The following DDAH1 variants were observed in gnomAD, a reference collection of about 807,000 sequenced individuals.
DDAH1 encodes N(G),N(G)-dimethylarginine dimethylaminohydrolase 1.
Under a neutral mutation model 28.8 loss-of-function variants are expected in DDAH1, and 19 were observed. The observed-to-expected ratio is 0.66, with a 90% confidence interval of 0.46 to 0.97. The LOEUF is 0.97. Among genes scored for constraint, DDAH1 ranks in the 50% least tolerant of loss-of-function variants. DDAH1 has a pLI of 0.00. For synonymous variants in DDAH1, 153 were observed against 154.4 expected (o/e 0.99, Z 0.07); for missense variants, 326 against 375.9 (o/e 0.87, Z 1.10).
intron 1 of DDAH1, among the ~76,000 whole-genome samples, chr1:85,550,172 C>A (rs1284930653): frequency 6.6e-6 from 1 of 152,156 alleles, no homozygotes; most frequent in Non-Finnish European, 1.5e-5. Flanking sequence ...TTTCCTAACT[C>A]TTTAGTTTAA....
At chr1:85,513,585 A>G (rs1557710436) in intron 1 of DDAH1, among the ~76,000 whole-genome samples, 1 of 151,896 alleles carries the variant, frequency 6.6e-6, no homozygotes, top group African/African-American at 2.4e-5. Context: ...TGGGAGAAAA[A>G]GTTTGCAATC....
chr1:85,492,295 TA>T (rs1276521744), intron 2 of DDAH1, among the ~76,000 whole-genome samples: 5 of 152,040 alleles, frequency 3.3e-5, no homozygotes, highest in African/African-American at 9.6e-5. Context: ...TAATTAACAA[TA>T]AAAAAATGCA....
At chr1:85,326,904 T>C (rs1238759675) in intron 4 of DDAH1, among the ~76,000 whole-genome samples, 3 of 152,226 alleles carry the variant, frequency 2.0e-5, no homozygotes, top group Non-Finnish European at 4.4e-5. Flanking sequence ...TTAACTTTTC[T>C]AAGAAAATTA....
upstream of DDAH1, chr1:85,467,533 T>G (rs978639397): frequency 1.3e-5 from 2 of 152,268 alleles, no homozygotes; most frequent in Non-Finnish European, 2.9e-5. Context: ...ATCTCGTGCA[T>G]TACTTATTAC....
chr1:85,393,717 G>C (rs1241024082), intron 1 of DDAH1, among the ~76,000 whole-genome samples: 2 of 152,112 alleles, frequency 1.3e-5, no homozygotes, highest in Non-Finnish European at 2.9e-5. Context: ...CTTAATCTTT[G>C]CCCTTGTCTC....
chr1:85,506,672 A>T (rs1409462683), intron 1 of DDAH1, among the ~76,000 whole-genome samples: 1 of 152,226 alleles, frequency 6.6e-6, no homozygotes, highest in Non-Finnish European at 1.5e-5. Flanking sequence ...TTGAACAAGG[A>T]TGTGATGTCA....
intron 1 of DDAH1, among the ~76,000 whole-genome samples, chr1:85,563,189 G>A (rs1659188241): frequency 6.6e-6 from 1 of 152,148 alleles, no homozygotes; most frequent in Admixed American, 6.5e-5. Context: ...TAGAGATAAT[G>A]GGCAGAGTGC....
At chr1:85,523,627 A>G (rs2100765298) in intron 1 of DDAH1, among the ~76,000 whole-genome samples, 1 of 152,198 alleles carries the variant, frequency 6.6e-6, no homozygotes, top group South Asian at 2.1e-4. Context: ...TCAGAGCCTC[A>G]TCTTTAAAAT....
At chr1:85,374,259 C>T (rs1395946322) in intron 1 of DDAH1, among the ~76,000 whole-genome samples, 1 of 152,090 alleles carries the variant, frequency 6.6e-6, no homozygotes, top group African/African-American at 2.4e-5. Context: ...TTAGACTGAA[C>T]TCAAAACAGC....
At chr1:85,377,399 A>C (rs555344678) in intron 1 of DDAH1, among the ~76,000 whole-genome samples, 1 of 152,260 alleles carries the variant, frequency 6.6e-6, no homozygotes, top group South Asian at 2.1e-4. Context: ...TAAAGTTTTC[A>C]TATTGGCTGG....
chr1:85,557,526 G>A (rs1456951787), intron 1 of DDAH1, among the ~76,000 whole-genome samples: 1 of 152,140 alleles, frequency 6.6e-6, no homozygotes, highest in African/African-American at 2.4e-5. Flanking sequence ...GACACTTTTG[G>A]ATTCAAAACC....
At chr1:85,388,876 T>C (rs1651407383) in intron 1 of DDAH1, among the ~76,000 whole-genome samples, 1 of 152,146 alleles carries the variant, frequency 6.6e-6, no homozygotes, top group African/African-American at 2.4e-5. Flanking sequence ...CAGGATTCAC[T>C]TAAAGGAATT....
At chr1:85,352,951 T>A (rs1024288587) in intron 2 of DDAH1, among the ~76,000 whole-genome samples, 1 of 151,964 alleles carries the variant, frequency 6.6e-6, no homozygotes, top group Non-Finnish European at 1.5e-5. Context: ...TATAAAATGA[T>A]CACGTGAGGC....
chr1:85,325,220 G>C (rs1390974250), intron 4 of DDAH1, among the ~76,000 whole-genome samples: 2 of 152,162 alleles, frequency 1.3e-5, no homozygotes, highest in Non-Finnish European at 2.9e-5. Context: ...GGCCCAGCAG[G>C]GGTTTTGATA....
At chr1:85,362,639 CCTCT>C (rs1257831723) in intron 1 of DDAH1, among the ~76,000 whole-genome samples, 1 of 151,934 alleles carries the variant, frequency 6.6e-6, no homozygotes, top group Non-Finnish European at 1.5e-5. Flanking sequence ...GATAAATTCA[CCTCT>C]CTGAGTCTCA....
intron 2 of DDAH1, among the ~76,000 whole-genome samples, chr1:85,486,579 A>G (rs1196555742): frequency 6.6e-6 from 1 of 152,338 alleles, no homozygotes; most frequent in East Asian, 1.9e-4. Context: ...TCATTCAGCC[A>G]TCAAATGCTT....
chr1:85,319,519 C>G lies in DDAH1; in HGVS notation c.*1933G>C, dbSNP rs955834810. Reference sequence around the variant, plus strand: ...TTGTATTTGAGATGTTGAGCTCTCACAGGGAGAATTTTTGCTTTTGCCAAG... The same window carrying G: ...TTGTATTTGAGATGTTGAGCTCTCAGAGGGAGAATTTTTGCTTTTGCCAAG... On this transcript the variant is annotated 3_prime_UTR_variant, in exon 6 of 6. Coordinates refer to ENST00000284031, the MANE Select transcript of DDAH1 (RefSeq NM_012137.4). The G allele has an allele frequency of 3.9e-5, 6 of 152,178 alleles. No homozygotes were observed. The highest frequency in any genetic ancestry group is 1.4e-4 in the African/African-American group (6 of 41,440). 9.4% of individuals were successfully genotyped at this position (152,178 alleles called of 1,614,324 possible). A position where few individuals can be genotyped will look rare whatever the true frequency, so the allele number is the denominator to read the frequency against.
intron 4 of DDAH1, among the ~76,000 whole-genome samples, chr1:85,335,968 G>GAAATAAAATA (rs139704444): frequency 0.037 from 5,380 of 143,892 alleles, 140 homozygotes; most frequent in Non-Finnish European, 0.05. Flanking sequence ...TCTCTAAAAT[G>GAAATAAAATA]AAATAAAATA....
At position 85,350,407 on chromosome 1, in the gene DDAH1, G is replaced by A. The variant is rs1325993554; in HGVS notation, c.597+8C>T. ...CTACATTTAGAAGGAGCACAGTTTT[G>A]TATTTACCTTAAGGGCCTTCTGTGC... On this transcript the variant is annotated splice_region_variant and intron_variant, in intron 4 of 5. Coordinates refer to ENST00000284031, the MANE Select transcript of DDAH1 (RefSeq NM_012137.4). The A allele has an allele frequency of 6.2e-7, 1 of 1,612,020 alleles. No homozygotes were observed. Among genetic ancestry groups the A allele is most frequent in the Admixed American group, 1.7e-5 (1 of 59,472 alleles).
Sources: gnomAD v4.1 joint callset for allele counts (sites outside exome capture counted in the v4.1 genomes callset) on GRCh38, gnomAD v4.1.1 for gene constraint, MANE v1.5 for transcripts, NCBI Gene and HGNC (gene_info 2026-07-23, HGNC 2026-07-21) for gene names.